ARFGAP3: variants seen among roughly 807,000 people sequenced by gnomAD.
ARFGAP3 encodes the protein ARF GTPase activating protein 3, also known as ADP-ribosylation factor GTPase-activating protein 3.
A neutral mutation model predicts 75.0 loss-of-function variants in ARFGAP3; 72 were observed. That is an observed-to-expected ratio of 0.96 (90% CI 0.79 to 1.17). The LOEUF is 1.17. Among genes scored for constraint, ARFGAP3 ranks in the 50% most tolerant of loss-of-function variants. The pLI, the probability that ARFGAP3 is intolerant of heterozygous loss-of-function variation, is 0.00. For synonymous variants in ARFGAP3, 221 were observed against 217.9 expected (o/e 1.01, Z -0.13); for missense variants, 620 against 626.6 (o/e 0.99, Z 0.11).
intron 13 of ARFGAP3, 63 bp from the exon 14 acceptor site, chr22:42,807,226 A>G: frequency 6.5e-7 from 1 of 1,537,142 alleles, no homozygotes; most frequent in Non-Finnish European, 8.8e-7. Flanking sequence ...TTGCAAAAAG[A>G]ATCACTGAAG....
intron 1 of ARFGAP3, among the ~76,000 whole-genome samples, chr22:42,855,705 T>TA (rs112759662): frequency 0.045 from 5,885 of 130,218 alleles, 306 homozygotes; most frequent in African/African-American, 0.14. Context: ...ATTAAAACGT[T>TA]AAAAAAAAAA....
At position 42,826,942 on chromosome 22, in the gene ARFGAP3, A is replaced by G. The variant is rs766836791; in HGVS notation, c.623T>C (p.Leu208Ser). The G allele has an allele frequency of 8.7e-5, 140 of 1,612,770 alleles. No individual in the cohort carries two copies. The highest frequency in any genetic ancestry group is 3.3e-4 in the South Asian group (30 of 90,832). The change falls in exon 7 of 16, where the codon TTA (leucine) becomes TCA (serine). Residue 208 changes from leucine to serine, a missense_variant and splice_region_variant. Leu to Ser is a moderately radical substitution (Grantham distance 145, BLOSUM62 -2). Transcript: ENST00000263245. ...ATGTAGGATTTTAAGCATATTACCTAAAGTAGCCTTTGTTGGTACATTAAG... is the reference window on the plus strand; with the variant it reads ...ATGTAGGATTTTAAGCATATTACCTGAAGTAGCCTTTGTTGGTACATTAAG... ...EGLNVPTKAT[L>S]EVSSIIKKKP... is the part of the protein sequence containing the mutation.
chr22:42,845,342 C>T (rs369655647), intron 2 of ARFGAP3, among the ~76,000 whole-genome samples: 16 of 151,536 alleles, frequency 1.1e-4, no homozygotes, highest in African/African-American at 3.4e-4. Context: ...CTGGCCAACA[C>T]GGCGAAACTC....
At chr22:42,838,836 C>T (rs1393202503) in intron 3 of ARFGAP3, among the ~76,000 whole-genome samples, 2 of 151,932 alleles carry the variant, frequency 1.3e-5, no homozygotes, top group African/African-American at 2.4e-5. Flanking sequence ...TTAGGCCGGG[C>T]GCGGTGGCTC....
In ARFGAP3 at chr22:42,797,506, G is replaced by A. The variant is rs780709629; in HGVS notation, c.*82C>T. 1.4e-5 allele frequency: 22 copies of A among 1,559,232 alleles called. No homozygotes were observed. Among genetic ancestry groups the A allele is most frequent in the Non-Finnish European group, 1.9e-5 (21 of 1,131,412 alleles). ...AGCAAAACAATCTGCAAAACTATCT[G>A]GACTTCACTGCCGCCTGAGATGTGG... On this transcript the variant is annotated 3_prime_UTR_variant, in exon 16 of 16. Coordinates refer to ENST00000263245, the MANE Select transcript of ARFGAP3 (RefSeq NM_014570.5).
intron 8 of ARFGAP3, among the ~76,000 whole-genome samples, chr22:42,823,263 GA>G (rs1323176879): frequency 2.6e-5 from 4 of 152,058 alleles, no homozygotes; most frequent in Non-Finnish European, 5.9e-5. Context: ...GCAAGGCCAG[GA>G]TTCAAACCCT....
intron 6 of ARFGAP3, 70 bp downstream of exon 6, chr22:42,831,479 A>G: frequency 1.3e-6 from 2 of 1,513,874 alleles, no homozygotes; most frequent in East Asian, 4.6e-5. Context: ...GCCCATCTTA[A>G]TTTTTAATAG....
chr22:42,805,218 A>G (rs1270496591), intron 14 of ARFGAP3, among the ~76,000 whole-genome samples: 1 of 152,154 alleles, frequency 6.6e-6, no homozygotes, highest in African/African-American at 2.4e-5. Flanking sequence ...AATTTAATGG[A>G]TCTTTGTTCT....
At chr22:42,856,969 G>T (rs1245038412) in intron 1 of ARFGAP3, 145 bp downstream of exon 1, 26 of 666,072 alleles carry the variant, frequency 3.9e-5, no homozygotes, top group Non-Finnish European at 4.5e-5. Context: ...GCCCCGGCCC[G>T]GCCAGGCTGC....
intron 14 of ARFGAP3, among the ~76,000 whole-genome samples, chr22:42,804,746 C>T (rs1377815651): frequency 6.6e-6 from 1 of 152,006 alleles, no homozygotes; most frequent in Non-Finnish European, 1.5e-5. Context: ...GAACTCTCGA[C>T]CTCAGGTGAT....
At chr22:42,817,624 A>AT in intron 10 of ARFGAP3, 105 bp downstream of exon 10, 1 of 880,622 alleles carries the variant, frequency 1.1e-6, no homozygotes, top group Non-Finnish European at 1.7e-6. Flanking sequence ...TTAATGAATA[A>AT]CAAAAAAAAA....
chr22:42,797,502 A>C lies in ARFGAP3; in HGVS notation c.*86T>G. On this transcript the variant is annotated 3_prime_UTR_variant, in exon 16 of 16. Transcript: ENST00000263245. ...AAGTAGCAAAACAATCTGCAAAACT[A>C]TCTGGACTTCACTGCCGCCTGAGAT... 3 of 1,551,938 alleles carry C rather than the reference A, an allele frequency of 1.9e-6. No homozygotes were observed. The highest frequency in any genetic ancestry group is 2.7e-6 in the Non-Finnish European group (3 of 1,125,060).
intron 6 of ARFGAP3, among the ~76,000 whole-genome samples, chr22:42,830,100 G>A (rs929781209): frequency 2.6e-5 from 4 of 152,074 alleles, no homozygotes; most frequent in Non-Finnish European, 4.4e-5. Flanking sequence ...TCAATACAAA[G>A]GAAGCGACTC....
At chr22:42,809,101 C>G (rs1420124534) in intron 12 of ARFGAP3, 22 of 237,646 alleles carry the variant, frequency 9.3e-5, no homozygotes, top group Non-Finnish European at 2.7e-5. Context: ...AAAACGGGGT[C>G]TGTTATTTCA....
At chr22:42,798,829 T>TAACA (rs879330843) in intron 15 of ARFGAP3, among the ~76,000 whole-genome samples, 1 of 152,246 alleles carries the variant, frequency 6.6e-6, no homozygotes, top group Non-Finnish European at 1.5e-5. Context: ...ACAATTCCTC[T>TAACA]AACAATTCCC....
chr22:42,838,417 C>G (rs923708992), intron 3 of ARFGAP3, among the ~76,000 whole-genome samples: 1 of 151,664 alleles, frequency 6.6e-6, no homozygotes, highest in African/African-American at 2.4e-5. Context: ...CCCACCTCAG[C>G]CTCCTGAGTA....
rs376794836 is a variant in ARFGAP3 at position 42,808,855 on chromosome 22, A to G, written c.1232T>C (p.Val411Ala). 14 of 1,613,446 alleles carry G rather than the reference A, an allele frequency of 8.7e-6. No homozygotes were observed. The African/African-American group carries it at 1.5e-4, about 17-fold the overall frequency. ...TARRKPDYEP[V>A]ENTDEAQKKF... ...CTTCTGGGCCTCATCTGTATTTTCA[A>G]CTGGCTCATAATCTGGCTTGCGGCG... Residue 411 changes from valine (V) to alanine (A), a missense_variant, in exon 13 of 16, where the codon GTT (valine) becomes GCT (alanine). Physicochemically the swap from Val to Ala is moderately conservative, Grantham distance 64. Transcript: ENST00000263245.
At chr22:42,807,223 A>G in intron 13 of ARFGAP3, 60 bp from the exon 14 acceptor site, 1 of 1,541,774 alleles carries the variant, frequency 6.5e-7, no homozygotes, top group South Asian at 1.2e-5. Flanking sequence ...GTTTTGCAAA[A>G]AGAATCACTG....
intron 1 of ARFGAP3, among the ~76,000 whole-genome samples, 163 bp downstream of exon 1, chr22:42,856,950 GC>G (rs1230279256): frequency 2.0e-5 from 3 of 149,874 alleles, no homozygotes; most frequent in Non-Finnish European, 4.5e-5. Flanking sequence ...CAGCTGCCCG[GC>G]CCCGCCCGCC....
Sources: gnomAD v4.1 joint callset for allele counts (sites outside exome capture counted in the v4.1 genomes callset) on GRCh38, gnomAD v4.1.1 for gene constraint, MANE v1.5 for transcripts, NCBI Gene and HGNC (gene_info 2026-07-23, HGNC 2026-07-21) for gene names.